The following UMODL1 variants were observed in gnomAD, a reference collection of about 807,000 sequenced individuals.
The protein encoded by UMODL1 is uromodulin like 1.
Under a neutral mutation model 136.3 loss-of-function variants are expected in UMODL1, and 128 were observed. That is an observed-to-expected ratio of 0.94 (90% CI 0.81 to 1.09). The LOEUF is 1.09. Ranked by LOEUF, UMODL1 falls within the 50% of genes least tolerant of loss-of-function variation. The probability of loss-of-function intolerance (pLI) is 0.00; values close to 1 mark genes in which losing one functional copy is unlikely to be tolerated. For missense variants in UMODL1, 1,766 were observed against 1,725.6 expected (o/e 1.02, Z -0.41); for synonymous variants, 721 against 720.0 (o/e 1.00, Z -0.02).
rs768387021 is a variant in UMODL1 at position 42,115,976 on chromosome 21, C to T, written c.2466C>T (p.Phe822=). 2 of 1,612,330 alleles carry T rather than the reference C, an allele frequency of 1.2e-6. No individual in the cohort carries two copies. Among genetic ancestry groups the T allele is most frequent in the Non-Finnish European group, 1.7e-6 (2 of 1,178,710 alleles). ...SQEYRDFLEL[F]FRMVRGSLPA... Reference sequence around the variant, plus strand: ...AGTATCGAGATTTCCTAGAACTATTCTTCAGGATGGTGAGTTGGTGATATC... The same window carrying T: ...AGTATCGAGATTTCCTAGAACTATTTTTCAGGATGGTGAGTTGGTGATATC... Residue 822 remains phenylalanine (F), a synonymous_variant, in exon 14 of 23, where the codon TTC becomes TTT. Transcript: ENST00000408910.
At chr21:42,138,639 G>A (rs1441803115) in intron 22 of UMODL1, among the ~76,000 whole-genome samples, 1 of 151,604 alleles carries the variant, frequency 6.6e-6, no homozygotes, top group African/African-American at 2.4e-5. Flanking sequence ...GCAGTGGTGC[G>A]ATCTTGGCTC....
At chr21:42,064,416 GCCTACGT>G (rs1247130224) in intron 1 of UMODL1, among the ~76,000 whole-genome samples, 1 of 152,206 alleles carries the variant, frequency 6.6e-6, no homozygotes, top group Non-Finnish European at 1.5e-5. Flanking sequence ...TCTTGAGTCT[GCCTACGT>G]TGGCACGGGA....
At chr21:42,138,306 TC>T (rs1368212159) in intron 22 of UMODL1, among the ~76,000 whole-genome samples, 1 of 152,170 alleles carries the variant, frequency 6.6e-6, no homozygotes, top group Non-Finnish European at 1.5e-5. Flanking sequence ...CGGCCGAGTG[TC>T]CCTGAAACCT....
intron 1 of UMODL1, among the ~76,000 whole-genome samples, chr21:42,064,171 G>T (rs1021631355): frequency 6.6e-6 from 1 of 152,064 alleles, no homozygotes; most frequent in African/African-American, 2.4e-5. Flanking sequence ...TTTCTCTGCC[G>T]GCCGTGCCTC....
In UMODL1 at chr21:42,127,096, T is replaced by G; in HGVS notation, c.3384T>G (p.Asn1128Lys). The change falls in exon 19 of 23, where the codon AAT (asparagine) becomes AAG (lysine). Residue 1128 changes from asparagine (N) to lysine (K), a missense_variant. Transcript: ENST00000408910. Reference protein sequence around the residue: ...LFIGDSPIPQNYSVSASDDVR... With the variant: ...LFIGDSPIPQKYSVSASDDVR... Reference sequence around the variant, plus strand: ...TCGGAGACTCTCCCATACCTCAGAATTATAGCGTGTCTGCCAGTGACGATG... The same window carrying G: ...TCGGAGACTCTCCCATACCTCAGAAGTATAGCGTGTCTGCCAGTGACGATG... The G allele has an allele frequency of 1.2e-6, 2 of 1,614,162 alleles. No homozygotes were observed. The highest frequency in any genetic ancestry group is 1.7e-6 in the Non-Finnish European group (2 of 1,180,036).
chr21:42,125,281 G>A (rs564175051), intron 17 of UMODL1, among the ~76,000 whole-genome samples: 4 of 152,130 alleles, frequency 2.6e-5, no homozygotes, highest in Non-Finnish European at 5.9e-5. Context: ...GGGATGAGGT[G>A]GGGAGGTGGG....
chr21:42,091,827 G>A (rs1405080138), intron 6 of UMODL1, among the ~76,000 whole-genome samples: 1 of 152,210 alleles, frequency 6.6e-6, no homozygotes, highest in Non-Finnish European at 1.5e-5. Context: ...GGGCTGGGCT[G>A]CATACGTGAG....
chr21:42,135,660 C>T (rs1024807568), intron 21 of UMODL1, among the ~76,000 whole-genome samples: 3 of 152,186 alleles, frequency 2.0e-5, no homozygotes, highest in African/African-American at 4.8e-5. Flanking sequence ...TAGTGTCCAT[C>T]GTGATTTAGG....
At chr21:42,097,757 G>A (rs1395133366) in intron 6 of UMODL1, among the ~76,000 whole-genome samples, 4 of 152,082 alleles carry the variant, frequency 2.6e-5, no homozygotes, top group Admixed American at 1.3e-4. Flanking sequence ...GCGTAGACTG[G>A]GGGCCGTCTA....
Position 42,089,043 on chromosome 21 carries a change from A to C in UMODL1, c.790+563A>C, listed in dbSNP as rs1197384788. Among the ~76,000 whole-genome samples the C allele has an allele frequency of 2.0e-5, 3 of 152,090 alleles. No individual in the cohort carries two copies. In the East Asian group the frequency reaches 5.8e-4, roughly 29 times the overall value. The stretch of plus-strand genomic sequence containing the variant: ...TTGTTGTTGTTGTTCTATGTCAGGA[A>C]TTGGCAAGCCTCATCTAAAAGGGAT... On this transcript the variant is annotated intron_variant, in intron 5 of 22. Coordinates refer to ENST00000408910, the MANE Select transcript of UMODL1 (RefSeq NM_001004416.3).
intron 21 of UMODL1, among the ~76,000 whole-genome samples, chr21:42,135,964 T>C (rs1452209836): frequency 2.0e-5 from 3 of 152,182 alleles, no homozygotes; most frequent in African/African-American, 7.2e-5. Flanking sequence ...CAGATGCTCC[T>C]GGTTGCACAG....
intron 3 of UMODL1, among the ~76,000 whole-genome samples, chr21:42,084,779 C>T (rs1053339597): frequency 1.1e-4 from 16 of 149,014 alleles, no homozygotes; most frequent in South Asian, 2.1e-4. Flanking sequence ...TATATTATAG[C>T]GTTAGTATGG....
chr21:42,097,864 T>C (rs1339308482), intron 6 of UMODL1, among the ~76,000 whole-genome samples: 2 of 152,134 alleles, frequency 1.3e-5, no homozygotes, highest in Non-Finnish European at 2.9e-5. Context: ...CTAGAATATA[T>C]ATAGGTTGGT....
At chr21:42,130,730 G>T (rs1326540067) in intron 21 of UMODL1, among the ~76,000 whole-genome samples, 1 of 152,098 alleles carries the variant, frequency 6.6e-6, no homozygotes, top group Non-Finnish European at 1.5e-5. Context: ...TAGGGCTGTG[G>T]GGCCCAGTCC....
intron 1 of UMODL1, among the ~76,000 whole-genome samples, chr21:42,064,225 A>G (rs2066165383): frequency 6.6e-6 from 1 of 152,150 alleles, no homozygotes; most frequent in Admixed American, 6.5e-5. Context: ...ATTTGAATCA[A>G]TAGACTGAGT....
intron 12 of UMODL1, 47 bp from the exon 13 acceptor site, chr21:42,113,526 T>C: frequency 6.3e-7 from 1 of 1,577,510 alleles, no homozygotes; most frequent in East Asian, 2.3e-5. Flanking sequence ...TCTTTTCTCC[T>C]AGAAATGGCT....
intron 17 of UMODL1, among the ~76,000 whole-genome samples, chr21:42,125,808 G>GGACA (rs2067045384): frequency 6.6e-6 from 1 of 152,194 alleles, no homozygotes; most frequent in Admixed American, 6.5e-5. Flanking sequence ...TGAGGGTGCA[G>GGACA]GACAGCCTGC....
At chr21:42,109,135 C>A (rs2066777850) in intron 9 of UMODL1, among the ~76,000 whole-genome samples, 1 of 151,828 alleles carries the variant, frequency 6.6e-6, no homozygotes, top group Admixed American at 6.6e-5. Context: ...CCCCCACCCC[C>A]CATGCGGAAA....
At chr21:42,066,369 A>G (rs949697941), upstream of UMODL1, among the ~76,000 whole-genome samples, 6 of 151,694 alleles carry the variant, frequency 4.0e-5, no homozygotes, top group African/African-American at 1.5e-4. Flanking sequence ...TGCAACCTCC[A>G]CCTCCTGGGT....
Sources: gnomAD v4.1 joint callset for allele counts (sites outside exome capture counted in the v4.1 genomes callset) on GRCh38, gnomAD v4.1.1 for gene constraint, MANE v1.5 for transcripts, NCBI Gene and HGNC (gene_info 2026-07-23, HGNC 2026-07-21) for gene names.